ANO3: variants seen among roughly 807,000 people sequenced by gnomAD.
ANO3 encodes anoctamin-3.
A neutral mutation model predicts 144.8 loss-of-function variants in ANO3; 99 were observed. The ratio of observed to expected loss-of-function variants is 0.68; its 90% CI spans 0.58 to 0.81. The LOEUF is 0.81. ANO3 is among the 30% of genes least tolerant of loss of function. The pLI, the probability that ANO3 is intolerant of heterozygous loss-of-function variation, is 0.00. For synonymous variants in ANO3, 414 were observed against 392.6 expected (o/e 1.05, Z -0.64); for missense variants, 905 against 1,202.2 (o/e 0.75, Z 3.66).
At chr11:26,564,374 T>C (rs1040281900) in intron 14 of ANO3, among the ~76,000 whole-genome samples, 12 of 151,544 alleles carry the variant, frequency 7.9e-5, no homozygotes, top group Non-Finnish European at 1.0e-4. Flanking sequence ...TTTACATTAC[T>C]AATATAATCC....
At chr11:26,543,074 C>G (rs145748725) in intron 11 of ANO3, among the ~76,000 whole-genome samples, 196 of 152,098 alleles carry the variant, frequency 1.3e-3, no homozygotes, top group African/African-American at 4.6e-3. Context: ...GGGACCAGCA[C>G]AGCTGGAAGT....
upstream of ANO3, among the ~76,000 whole-genome samples, chr11:26,308,848 C>T (rs1854442487): frequency 6.6e-6 from 1 of 152,154 alleles, no homozygotes; most frequent in Non-Finnish European, 1.5e-5. Flanking sequence ...GGATCTATCC[C>T]AGGGATTTAG....
chr11:26,290,541 A>G (rs11029490), intron 1 of ANO3, among the ~76,000 whole-genome samples: 2,962 of 152,182 alleles, frequency 0.019, 58 homozygotes, highest in East Asian at 0.12. Flanking sequence ...TCTCTTGTGT[A>G]CATTTAGTGC....
At chr11:26,502,599 A>G (rs1260719029) in intron 4 of ANO3, among the ~76,000 whole-genome samples, 2 of 152,138 alleles carry the variant, frequency 1.3e-5, no homozygotes, top group African/African-American at 4.8e-5. Context: ...CAAAGATTAT[A>G]TAACCTTCCG....
chr11:26,236,566 C>T (rs1037870571), intron 1 of ANO3, among the ~76,000 whole-genome samples: 2 of 152,126 alleles, frequency 1.3e-5, no homozygotes, highest in Non-Finnish European at 2.9e-5. Context: ...TGCCTGTAAT[C>T]CCAGCACTTT....
At chr11:26,258,355 C>A (rs1215788361) in intron 1 of ANO3, among the ~76,000 whole-genome samples, 9 of 152,146 alleles carry the variant, frequency 5.9e-5, no homozygotes. Flanking sequence ...TTATATTAGT[C>A]AACCATTCAA....
chr11:26,502,435 T>C (rs1364134682), intron 4 of ANO3, among the ~76,000 whole-genome samples: 1 of 152,168 alleles, frequency 6.6e-6, no homozygotes, highest in African/African-American at 2.4e-5. Flanking sequence ...ATTCCAAGTA[T>C]GTCTGAATAC....
Position 26,288,704 on chromosome 11 carries a change from G to A in ANO3, c.155-20941G>A, listed in dbSNP as rs530267079. The stretch of plus-strand genomic sequence containing the variant: ...ATTTTCTTCTTTTGATCTGTACCAT[G>A]CCTGAGAAAGCAGCAAGATAGGAAA... On this transcript the variant is annotated intron_variant, in intron 1 of 27. Coordinates refer to the ANO3 transcript ENST00000672621. Among the ~76,000 whole-genome samples the A allele has an allele frequency of 1.2e-4, 19 of 152,184 alleles. No individual in the cohort carries two copies. The South Asian group carries it at 3.9e-3, about 32-fold the overall frequency.
intron 1 of ANO3, among the ~76,000 whole-genome samples, chr11:26,412,479 C>T (rs1857458409): frequency 2.0e-5 from 3 of 151,902 alleles, no homozygotes; most frequent in African/African-American, 7.2e-5. Flanking sequence ...CAAATAACAT[C>T]GTAACTGTAG....
At chr11:26,340,916 G>A (rs1855340021) in intron 1 of ANO3, among the ~76,000 whole-genome samples, 1 of 152,108 alleles carries the variant, frequency 6.6e-6, no homozygotes, top group Admixed American at 6.6e-5. Flanking sequence ...TAATTAATGA[G>A]TTATTAGACT....
At chr11:26,529,612 TC>T (rs1364213136) in intron 7 of ANO3, among the ~76,000 whole-genome samples, 1 of 148,674 alleles carries the variant, frequency 6.7e-6, no homozygotes, top group Non-Finnish European at 1.5e-5. Flanking sequence ...TATTTAACAC[TC>T]CTCTAGGAAA....
intron 1 of ANO3, among the ~76,000 whole-genome samples, chr11:26,362,797 C>A (rs1855962305): frequency 6.6e-6 from 1 of 152,034 alleles, no homozygotes. Context: ...TGAGTCTATA[C>A]CATGAGGGAA....
chr11:26,211,781 A>C (rs77482554), intron 1 of ANO3, among the ~76,000 whole-genome samples: 45,967 of 152,074 alleles, frequency 0.3, 7,683 homozygotes, highest in Non-Finnish European at 0.37. Context: ...TTGCGGCACT[A>C]TTCACAATAG....
intron 14 of ANO3, among the ~76,000 whole-genome samples, chr11:26,586,593 C>T (rs1304376157): frequency 6.7e-6 from 1 of 148,936 alleles, no homozygotes; most frequent in African/African-American, 2.5e-5. Context: ...AGCTCCGCCT[C>T]CCATGTTCAC....
At chr11:26,530,209 T>C (rs1445500575) in intron 7 of ANO3, among the ~76,000 whole-genome samples, 1 of 152,092 alleles carries the variant, frequency 6.6e-6, no homozygotes, top group Non-Finnish European at 1.5e-5. Flanking sequence ...GCATTACTTT[T>C]ATTTTATGTG....
chr11:26,581,546 G>A (rs1267654061), intron 14 of ANO3, among the ~76,000 whole-genome samples: 1 of 151,758 alleles, frequency 6.6e-6, no homozygotes, highest in African/African-American at 2.4e-5. Context: ...AAAATTAGCT[G>A]GGCATGGTGG....
chr11:26,256,310 T>C (rs1853055558), intron 1 of ANO3, among the ~76,000 whole-genome samples: 1 of 152,166 alleles, frequency 6.6e-6, no homozygotes, highest in Non-Finnish European at 1.5e-5. Flanking sequence ...CTTTGAATTG[T>C]TGAATGGATC....
At chr11:26,344,521 A>G (rs1255543069) in intron 1 of ANO3, among the ~76,000 whole-genome samples, 3 of 151,760 alleles carry the variant, frequency 2.0e-5, no homozygotes, top group African/African-American at 2.4e-5. Context: ...GCCTGCCACC[A>G]TGCCGGCTGA....
intron 14 of ANO3, among the ~76,000 whole-genome samples, chr11:26,566,324 G>A (rs568559733): frequency 5.3e-4 from 81 of 151,898 alleles, no homozygotes; most frequent in Middle Eastern, 3.4e-3. Context: ...TTAAGAAAAC[G>A]CATTCTTTAT....
Sources: allele counts gnomAD v4.1 joint callset (sites outside exome capture counted in the v4.1 genomes callset), GRCh38; gene constraint gnomAD v4.1.1; transcripts MANE v1.5; gene names NCBI Gene and HGNC (gene_info 2026-07-23, HGNC 2026-07-21).